The following KSR2 variants were observed in gnomAD, a reference collection of about 807,000 sequenced individuals.
KSR2 encodes the protein kinase suppressor of ras 2.
A neutral mutation model predicts 107.8 loss-of-function variants in KSR2; 25 were observed. The ratio of observed to expected loss-of-function variants is 0.23; its 90% CI spans 0.17 to 0.32. KSR2 has a LOEUF of 0.32. Ranked by LOEUF, KSR2 falls within the 10% of genes least tolerant of loss-of-function variation. KSR2 has a pLI of 1.00. For missense variants in KSR2, 887 were observed against 1,268.9 expected (o/e 0.70, Z 4.57); for synonymous variants, 480 against 507.0 (o/e 0.95, Z 0.71).
At chr12:117,558,203 A>T (rs749961168) in intron 8 of KSR2, among the ~76,000 whole-genome samples, 50 of 152,214 alleles carry the variant, frequency 3.3e-4, no homozygotes, top group Middle Eastern at 3.2e-3. Context: ...TGGGATTGGT[A>T]AACAGAAGAG....
intron 7 of KSR2, among the ~76,000 whole-genome samples, chr12:117,574,156 T>C (rs1356013485): frequency 6.6e-6 from 1 of 152,104 alleles, no homozygotes; most frequent in Non-Finnish European, 1.5e-5. Flanking sequence ...CCCAGAGGTA[T>C]TGAACCTGAG....
At chr12:117,492,032 T>C (rs1955648189) in intron 14 of KSR2, among the ~76,000 whole-genome samples, 1 of 152,214 alleles carries the variant, frequency 6.6e-6, no homozygotes, top group Non-Finnish European at 1.5e-5. Flanking sequence ...CATGCACACA[T>C]GCACCTCTCG....
intron 4 of KSR2, among the ~76,000 whole-genome samples, chr12:117,747,227 A>G (rs1888440572): frequency 6.6e-6 from 1 of 152,210 alleles, no homozygotes; most frequent in South Asian, 2.1e-4. Flanking sequence ...TGTGGCACAT[A>G]TGCACCATGG....
At chr12:117,749,867 C>G (rs1381336885) in intron 4 of KSR2, among the ~76,000 whole-genome samples, 1 of 152,096 alleles carries the variant, frequency 6.6e-6, no homozygotes, top group Admixed American at 6.6e-5. Context: ...GGATAAGGAC[C>G]TATTCTTGCT....
At chr12:117,678,262 C>T (rs907495162) in intron 4 of KSR2, among the ~76,000 whole-genome samples, 3 of 152,078 alleles carry the variant, frequency 2.0e-5, no homozygotes, top group Non-Finnish European at 2.9e-5. Flanking sequence ...TATTGGGCTT[C>T]TAACCCAATT....
At chr12:117,755,077 C>T (rs1346177012) in intron 4 of KSR2, among the ~76,000 whole-genome samples, 1 of 152,152 alleles carries the variant, frequency 6.6e-6, no homozygotes, top group Non-Finnish European at 1.5e-5. Flanking sequence ...CCAGAATGCA[C>T]CAAATAGCTC....
rs147430890 is a variant in KSR2 at position 117,794,394 on chromosome 12, C to T, written c.473-32870G>A. Among the ~76,000 whole-genome samples, 9 of 35,132 alleles carry T rather than the reference C, an allele frequency of 2.6e-4. 2 individuals carry two copies. The highest frequency in any genetic ancestry group is 3.0e-4 in the Non-Finnish European group (6 of 19,728). The allele number at this position is 35,132 out of a possible 152,430, so 23.0% of individuals were successfully genotyped here. ...GCACACTCACACCAACATGCACACT[C>T]ACACCAACATGCACACACATGCACA... On this transcript the variant is annotated intron_variant, in intron 3 of 19. Transcript: ENST00000339824.
At chr12:117,910,948 G>C (rs1468506908) in intron 1 of KSR2, among the ~76,000 whole-genome samples, 1 of 152,098 alleles carries the variant, frequency 6.6e-6, no homozygotes, top group African/African-American at 2.4e-5. Flanking sequence ...AGACCAACTA[G>C]AGCAAGGTCG....
At position 117,531,031 on chromosome 12, in the gene KSR2, A is replaced by G. The variant is rs752393690; in HGVS notation, c.1730-18T>C. The G allele has an allele frequency of 9.9e-6, 16 of 1,609,918 alleles. No homozygotes were observed. In the African/African-American group the frequency reaches 2.1e-4, roughly 22 times the overall value. On this transcript the variant is annotated intron_variant, in intron 11 of 19. Coordinates refer to ENST00000339824, the MANE Select transcript of KSR2 (RefSeq NM_173598.6). ...CACCACATCTGAAAACCAGAGATTG[A>G]ACACTCAGAAAAAAAATGTGAAGTC... is the stretch of plus-strand genomic sequence containing the variant.
At chr12:117,670,856 TC>T (rs1884879162) in intron 4 of KSR2, among the ~76,000 whole-genome samples, 1 of 152,110 alleles carries the variant, frequency 6.6e-6, no homozygotes, top group Non-Finnish European at 1.5e-5. Flanking sequence ...CTATCGTTTC[TC>T]TTCCTCCTCC....
At chr12:117,550,112 A>G (rs1855208826) in intron 9 of KSR2, among the ~76,000 whole-genome samples, 1 of 152,210 alleles carries the variant, frequency 6.6e-6, no homozygotes, top group Admixed American at 6.5e-5. Context: ...AAGAGCTGGA[A>G]ACATCCATCA....
chr12:117,911,802 C>T (rs990482482), intron 1 of KSR2, among the ~76,000 whole-genome samples: 2 of 145,592 alleles, frequency 1.4e-5, no homozygotes, highest in Non-Finnish European at 3.0e-5. Flanking sequence ...AACTCTCAAT[C>T]GCTACAGGCA....
chr12:117,648,054 C>T (rs1421772970), intron 5 of KSR2, among the ~76,000 whole-genome samples: 1 of 152,136 alleles, frequency 6.6e-6, no homozygotes, highest in Non-Finnish European at 1.5e-5. Flanking sequence ...CAAGAATCAG[C>T]AAGGGACATA....
At chr12:117,791,341 T>G (rs1182433976) in intron 3 of KSR2, among the ~76,000 whole-genome samples, 1 of 152,216 alleles carries the variant, frequency 6.6e-6, no homozygotes, top group Non-Finnish European at 1.5e-5. Flanking sequence ...ATATCAAAGA[T>G]GTATTCTTTT....
At chr12:117,877,044 G>T (rs1893876975) in intron 1 of KSR2, among the ~76,000 whole-genome samples, 1 of 152,096 alleles carries the variant, frequency 6.6e-6, no homozygotes, top group Non-Finnish European at 1.5e-5. Context: ...TTTTATGTGT[G>T]GAATTTTCCA....
intron 1 of KSR2, among the ~76,000 whole-genome samples, chr12:117,889,184 G>A (rs1894265932): frequency 2.0e-5 from 3 of 152,088 alleles, no homozygotes; most frequent in African/African-American, 4.8e-5. Flanking sequence ...CAGCTCAGAT[G>A]CCTCTCCCAA....
At chr12:117,741,559 T>C (rs990873833) in intron 4 of KSR2, among the ~76,000 whole-genome samples, 4 of 151,890 alleles carry the variant, frequency 2.6e-5, no homozygotes, top group Non-Finnish European at 4.4e-5. Flanking sequence ...TACAAACCAC[T>C]CACTACAAAA....
At chr12:117,901,820 C>T (rs1239495141) in intron 1 of KSR2, among the ~76,000 whole-genome samples, 1 of 152,038 alleles carries the variant, frequency 6.6e-6, no homozygotes, top group African/African-American at 2.4e-5. Flanking sequence ...TTCAGCGTGG[C>T]GTACAAACAG....
intron 1 of KSR2, among the ~76,000 whole-genome samples, chr12:117,925,539 T>A (rs4766888): frequency 0.27 from 41,040 of 152,172 alleles, 6,144 homozygotes; most frequent in East Asian, 0.52. Flanking sequence ...AATCAATTAC[T>A]GAGTTGTTCA....
Sources: gnomAD v4.1 joint callset for allele counts (sites outside exome capture counted in the v4.1 genomes callset) on GRCh38, gnomAD v4.1.1 for gene constraint, MANE v1.5 for transcripts, NCBI Gene and HGNC (gene_info 2026-07-23, HGNC 2026-07-21) for gene names.